Variants in KSR1 observed in about 807,000 individuals in gnomAD.
The protein encoded by KSR1 is kinase suppressor of ras 1, also known as kinase suppressor of ras.
A neutral mutation model predicts 92.9 loss-of-function variants in KSR1; 35 were observed. That is an observed-to-expected ratio of 0.38 (90% CI 0.29 to 0.50). The LOEUF is 0.50. Ranked by LOEUF, KSR1 falls within the 20% of genes least tolerant of loss-of-function variation. The probability of loss-of-function intolerance (pLI) is 0.94; values close to 1 mark genes in which losing one functional copy is unlikely to be tolerated. For synonymous variants in KSR1, 467 were observed against 472.6 expected (o/e 0.99, Z 0.15); for missense variants, 972 against 1,158.5 (o/e 0.84, Z 2.34).
At position 27,588,511 on chromosome 17, in the gene KSR1, A is replaced by G. The variant is rs1409707417; in HGVS notation, c.1022A>G (p.Asp341Gly). 6.3e-7 allele frequency: 1 copy of G among 1,592,522 alleles called. No individual in the cohort carries two copies. Among genetic ancestry groups the G allele is most frequent in the Non-Finnish European group, 8.5e-7 (1 of 1,169,752 alleles). ...GGATCCCCACAGATGGTACGGAGGG[A>G]TATCGGGCTGTCGGTGACGCACAGG... The part of the protein sequence containing the change: ...SHGSPQMVRR[D>G]IGLSVTHRFS... Residue 341 changes from aspartate to glycine, a missense_variant, in exon 6 of 21, where the codon GAT becomes GGT. By Grantham distance (94) the Asp-to-Gly change is moderately conservative. Coordinates refer to ENST00000644974, the MANE Select transcript of KSR1 (RefSeq NM_001394583.1).
intron 1 of KSR1, among the ~76,000 whole-genome samples, chr17:27,522,162 G>A (rs1278259365): frequency 1.3e-5 from 2 of 152,172 alleles, no homozygotes; most frequent in African/African-American, 2.4e-5. Context: ...GCCCGGTGGA[G>A]TGTCTCTCTG....
chr17:27,535,072 A>AGT (rs1051581385), intron 1 of KSR1, among the ~76,000 whole-genome samples: 2 of 152,010 alleles, frequency 1.3e-5, no homozygotes, highest in Non-Finnish European at 2.9e-5. Flanking sequence ...CACAGCTGGG[A>AGT]GTGACCCTGG....
At position 27,592,215 on chromosome 17, in the gene KSR1, A is replaced by G. The variant is rs554142587; in HGVS notation, c.1131-146A>G. The G allele has an allele frequency of 3.4e-5, 23 of 679,298 alleles. No homozygotes were observed. In the African/African-American group the frequency reaches 3.9e-4, roughly 12 times the overall value. 42.1% of individuals were successfully genotyped at this position (679,298 alleles called of 1,614,324 possible). A position where few individuals can be genotyped will look rare whatever the true frequency, so the allele number is the denominator to read the frequency against. ...AGCAGCTGCTATTACTATTAATATCATGATGTTCTCTACTTTCGAGCTAAC... is the reference window on the plus strand; with the variant it reads ...AGCAGCTGCTATTACTATTAATATCGTGATGTTCTCTACTTTCGAGCTAAC... On this transcript the variant is annotated intron_variant, in intron 7 of 20. Transcript: ENST00000644974.
At chr17:27,620,450 C>T (rs2074192793) in intron 19 of KSR1, among the ~76,000 whole-genome samples, 1 of 152,170 alleles carries the variant, frequency 6.6e-6, no homozygotes, top group Admixed American at 6.5e-5. Context: ...ATTCCTGGCT[C>T]CTAGTACAGT....
chr17:27,607,919 G>C lies in KSR1; in HGVS notation c.2000G>C (p.Cys667Ser). 1 of 1,605,520 alleles carries C rather than the reference G, an allele frequency of 6.2e-7. No homozygotes were observed. Among genetic ancestry groups the C allele is most frequent in the Non-Finnish European group, 8.5e-7 (1 of 1,175,926 alleles). ...ACCCCCACCACCCTCGACAGCTTCT[G>C]CAAGGGGCGGACGTTGCACTCGTTT... Reference protein sequence around the residue: ...PPHLAIITSFCKGRTLHSFVR... With the variant: ...PPHLAIITSFSKGRTLHSFVR... Residue 667 changes from cysteine to serine, a missense_variant, in exon 15 of 21, where the codon TGC (cysteine) becomes TCC (serine). Coordinates refer to ENST00000644974, the MANE Select transcript of KSR1 (RefSeq NM_001394583.1).
chr17:27,600,412 C>T (rs1198520393), intron 10 of KSR1, among the ~76,000 whole-genome samples: 1 of 151,852 alleles, frequency 6.6e-6, no homozygotes, highest in African/African-American at 2.4e-5. Context: ...TGCATTCCAG[C>T]CTGGACAACA....
At chr17:27,479,179 C>G in intron 1 of KSR1, among the ~76,000 whole-genome samples, 1 of 151,296 alleles carries the variant, frequency 6.6e-6, no homozygotes, top group South Asian at 2.1e-4. Context: ...CATCCATGCA[C>G]TTCCCTCCCT....
intron 1 of KSR1, among the ~76,000 whole-genome samples, chr17:27,461,195 C>G (rs1328589129): frequency 6.6e-6 from 1 of 152,178 alleles, no homozygotes; most frequent in Non-Finnish European, 1.5e-5. Context: ...AATTCTCCTG[C>G]CTTAGCTTCT....
chr17:27,601,493 T>C, intron 11 of KSR1, 92 bp downstream of exon 11: 1 of 1,033,104 alleles, frequency 9.7e-7, no homozygotes, highest in Non-Finnish European at 1.5e-6. Context: ...CTGGGTACCT[T>C]TGGAGATACT....
At chr17:27,558,221 AT>A (rs1428162841) in intron 2 of KSR1, 3 of 150,614 alleles carry the variant, frequency 2.0e-5, no homozygotes, top group African/African-American at 7.3e-5. Context: ...CTCTTCACGC[AT>A]TTTACAGTCA....
intron 1 of KSR1, among the ~76,000 whole-genome samples, chr17:27,494,688 G>C (rs2068926935): frequency 6.6e-6 from 1 of 152,224 alleles, no homozygotes; most frequent in Non-Finnish European, 1.5e-5. Context: ...TGGCATTTGT[G>C]CAGTTTAAAA....
intron 1 of KSR1, among the ~76,000 whole-genome samples, chr17:27,473,789 T>C (rs1199027005): frequency 1.3e-5 from 2 of 152,022 alleles, no homozygotes; most frequent in African/African-American, 2.4e-5. Flanking sequence ...CAAGGAAGAA[T>C]CCATCAACGA....
At chr17:27,521,334 CTTTTTTTT>C (rs759201177) in intron 1 of KSR1, among the ~76,000 whole-genome samples, 1 of 134,948 alleles carries the variant, frequency 7.4e-6, no homozygotes, top group Non-Finnish European at 1.6e-5. Flanking sequence ...AAGGCCATTC[CTTTTTTTT>C]TTTTTTTTTT....
intron 16 of KSR1, 160 bp from the exon 17 acceptor site, chr17:27,609,907 C>A: frequency 1.3e-6 from 1 of 796,620 alleles, no homozygotes; most frequent in Non-Finnish European, 1.9e-6. Context: ...TCAAAAGCAC[C>A]GGTGCCTTTC....
chr17:27,616,000 C>T (rs1205066186), intron 18 of KSR1, among the ~76,000 whole-genome samples: 1 of 152,150 alleles, frequency 6.6e-6, no homozygotes, highest in East Asian at 1.9e-4. Flanking sequence ...TTGTGGATGC[C>T]TATCTTACTC....
At chr17:27,572,287 A>T (rs1200601956) in intron 2 of KSR1, among the ~76,000 whole-genome samples, 1 of 152,216 alleles carries the variant, frequency 6.6e-6, no homozygotes, top group East Asian at 1.9e-4. Flanking sequence ...TCATTCCTGC[A>T]TCCCCACCTG....
chr17:27,501,286 T>TTTC (rs1567768241), intron 1 of KSR1, among the ~76,000 whole-genome samples: 15 of 138,246 alleles, frequency 1.1e-4, no homozygotes, highest in African/African-American at 3.5e-4. Context: ...TTTAATTTCT[T>TTTC]TTCTTCTTTT....
chr17:27,588,488 A>T lies in KSR1; in HGVS notation c.999A>T (p.Gly333=), dbSNP rs752784627. The T allele has an allele frequency of 6.9e-6, 11 of 1,587,166 alleles. No homozygotes were observed. Among genetic ancestry groups the T allele is most frequent in the Non-Finnish European group, 9.4e-6 (11 of 1,167,004 alleles). The change falls in exon 6 of 21, where the codon GGA becomes GGT. Residue 333 remains glycine, a synonymous_variant. Coordinates refer to ENST00000644974, the MANE Select transcript of KSR1 (RefSeq NM_001394583.1). ...CTTTCCCTGCAGATCTCTCGCATGG[A>T]TCCCCACAGATGGTACGGAGGGATA... The part of the protein sequence containing the change: ...VSSMRFDLSH[G]SPQMVRRDIG...
At chr17:27,601,499 A>G in intron 11 of KSR1, 98 bp downstream of exon 11, 1 of 998,664 alleles carries the variant, frequency 1.0e-6, no homozygotes, top group Non-Finnish European at 1.5e-6. Flanking sequence ...ACCTTTGGAG[A>G]TACTTGAGTC....
Sources: gnomAD v4.1 joint callset for allele counts (sites outside exome capture counted in the v4.1 genomes callset) on GRCh38, gnomAD v4.1.1 for gene constraint, MANE v1.5 for transcripts, NCBI Gene and HGNC (gene_info 2026-07-23, HGNC 2026-07-21) for gene names.